Variants in SLC4A7 observed in about 807,000 individuals in gnomAD.
SLC4A7 encodes sodium bicarbonate cotransporter 3.
Under a neutral mutation model 137.6 loss-of-function variants are expected in SLC4A7, and 51 were observed. The observed-to-expected ratio is 0.37, with a 90% confidence interval of 0.30 to 0.47. The LOEUF is 0.47. Ranked by LOEUF, SLC4A7 falls within the 20% of genes least tolerant of loss-of-function variation. The pLI is 1.00. For synonymous variants in SLC4A7, 542 were observed against 518.6 expected, an observed-to-expected ratio of 1.05 and a Z score of -0.61; for missense variants, 1,247 against 1,525.4, an observed-to-expected ratio of 0.82 and a Z score of 3.04.
chr3:27,424,312 A>G, intron 7 of SLC4A7, 160 bp from the exon 8 acceptor site: 1 of 459,036 alleles, frequency 2.2e-6, no homozygotes, highest in Non-Finnish European at 3.8e-6. Context: ...CAGCAAAACT[A>G]GAACAACATT....
chr3:27,447,876 A>G (rs1407630096), intron 3 of SLC4A7, among the ~76,000 whole-genome samples: 1 of 151,994 alleles, frequency 6.6e-6, no homozygotes, highest in East Asian at 1.9e-4. Context: ...CAAATAATCC[A>G]GCCTAGTGGA....
At chr3:27,393,606 T>C (rs2051819946) in intron 20 of SLC4A7, among the ~76,000 whole-genome samples, 2 of 152,154 alleles carry the variant, frequency 1.3e-5, no homozygotes, top group Non-Finnish European at 2.9e-5. Flanking sequence ...AAATAGAGTA[T>C]ATTTCTGCCT....
intron 4 of SLC4A7, 93 bp from the exon 5 acceptor site, chr3:27,436,641 A>G: frequency 1.3e-6 from 1 of 796,992 alleles, no homozygotes; most frequent in Non-Finnish European, 1.8e-6. Flanking sequence ...CTTTAAAGAA[A>G]AAAAAAAAAG....
chr3:27,386,201 T>TA (rs34806095), intron 22 of SLC4A7, among the ~76,000 whole-genome samples, 178 bp from the exon 23 acceptor site: 409 of 141,434 alleles, frequency 2.9e-3, no homozygotes, highest in South Asian at 0.014. Context: ...TACTTTGTGC[T>TA]AAAAAAAAAA....
intron 1 of SLC4A7, among the ~76,000 whole-genome samples, chr3:27,466,444 C>T (rs1333960399): frequency 1.5e-5 from 2 of 136,786 alleles, no homozygotes; most frequent in Non-Finnish European, 3.2e-5. Flanking sequence ...AGCGAGACTC[C>T]GTCTCAAAAA....
At chr3:27,394,885 T>A in intron 19 of SLC4A7, 69 bp downstream of exon 19, 1 of 1,540,754 alleles carries the variant, frequency 6.5e-7, no homozygotes, top group Non-Finnish European at 8.7e-7. Context: ...CTTTTAATGT[T>A]CTAATCATTA....
chr3:27,452,182 C>T (rs917434227), intron 2 of SLC4A7, among the ~76,000 whole-genome samples: 2 of 152,026 alleles, frequency 1.3e-5, no homozygotes, highest in African/African-American at 4.8e-5. Flanking sequence ...TGACTGTGTC[C>T]TTTCAGTTTT....
At chr3:27,398,967 A>C (rs1255122026) in intron 16 of SLC4A7, among the ~76,000 whole-genome samples, 2 of 152,172 alleles carry the variant, frequency 1.3e-5, no homozygotes, top group Non-Finnish European at 2.9e-5. Context: ...TAGCATAATA[A>C]AATGCAATTA....
intron 2 of SLC4A7, among the ~76,000 whole-genome samples, chr3:27,451,265 T>A (rs1013336723): frequency 2.6e-5 from 4 of 152,078 alleles, no homozygotes; most frequent in African/African-American, 7.2e-5. Flanking sequence ...TAACTCAATA[T>A]AGTACTAGCT....
intron 2 of SLC4A7, among the ~76,000 whole-genome samples, chr3:27,450,469 T>TA (rs1310053623): frequency 1.3e-5 from 2 of 151,944 alleles, no homozygotes; most frequent in African/African-American, 2.4e-5. Context: ...GAAATAAATA[T>TA]AAAAAAACTC....
chr3:27,378,782 T>C (rs2050141374), intron 25 of SLC4A7, among the ~76,000 whole-genome samples: 2 of 152,230 alleles, frequency 1.3e-5, no homozygotes, highest in Non-Finnish European at 2.9e-5. Context: ...ATGATTGAAA[T>C]AGTATTCAAT....
chr3:27,460,977 G>C (rs924430645), intron 1 of SLC4A7, among the ~76,000 whole-genome samples: 1 of 152,040 alleles, frequency 6.6e-6, no homozygotes, highest in African/African-American at 2.4e-5. Flanking sequence ...AAAATAAAAT[G>C]AACCTGTTCA....
At chr3:27,394,884 T>C in intron 19 of SLC4A7, 70 bp downstream of exon 19, 1 of 1,538,472 alleles carries the variant, frequency 6.5e-7, no homozygotes, top group Non-Finnish European at 8.8e-7. Flanking sequence ...TCTTTTAATG[T>C]TCTAATCATT....
chr3:27,475,765 T>C (rs2059437239), intron 1 of SLC4A7, among the ~76,000 whole-genome samples: 1 of 152,188 alleles, frequency 6.6e-6, no homozygotes, highest in Non-Finnish European at 1.5e-5. Context: ...ATTTTATAAT[T>C]AAGGTCATTT....
intron 12 of SLC4A7, among the ~76,000 whole-genome samples, chr3:27,410,813 A>G (rs1166155181): frequency 6.6e-6 from 1 of 152,172 alleles, no homozygotes; most frequent in Non-Finnish European, 1.5e-5. Flanking sequence ...AAAACACTTC[A>G]TTAGTCAATG....
At chr3:27,479,176 G>A (rs896150063) in intron 1 of SLC4A7, among the ~76,000 whole-genome samples, 8 of 152,048 alleles carry the variant, frequency 5.3e-5, no homozygotes, top group African/African-American at 1.9e-4. Context: ...GCACTTTGGG[G>A]GGCAGAGGAG....
chr3:27,473,395 A>G (rs1436137348), intron 1 of SLC4A7, among the ~76,000 whole-genome samples: 2 of 152,118 alleles, frequency 1.3e-5, no homozygotes, highest in Non-Finnish European at 2.9e-5. Flanking sequence ...TCCTACTTTA[A>G]CGACCCCTTT....
intron 1 of SLC4A7, among the ~76,000 whole-genome samples, chr3:27,464,692 C>CAA (rs572691095): frequency 6.8e-6 from 1 of 146,028 alleles, no homozygotes. Flanking sequence ...GACTCCGTCT[C>CAA]AAAAAAAAAA....
intron 1 of SLC4A7, among the ~76,000 whole-genome samples, chr3:27,465,970 AG>A (rs199958601): frequency 5.5e-5 from 8 of 145,622 alleles, no homozygotes; most frequent in Non-Finnish European, 9.0e-5. Flanking sequence ...AAAAAAAGAA[AG>A]AAAGAAAGAA....
Sources: allele counts gnomAD v4.1 joint callset (sites outside exome capture counted in the v4.1 genomes callset), GRCh38; gene constraint gnomAD v4.1.1; transcripts MANE v1.5; gene names NCBI Gene and HGNC (gene_info 2026-07-23, HGNC 2026-07-21).